Variants in HIBADH observed in about 807,000 individuals in gnomAD.
The protein encoded by HIBADH is 3-hydroxyisobutyrate dehydrogenase, mitochondrial.
A neutral mutation model predicts 36.1 loss-of-function variants in HIBADH; 25 were observed. That is an observed-to-expected ratio of 0.69 (90% CI 0.50 to 0.97). HIBADH has a LOEUF of 0.97. HIBADH is among the 50% of genes least tolerant of loss of function. The probability of loss-of-function intolerance (pLI) is 0.00; values close to 1 mark genes in which losing one functional copy is unlikely to be tolerated. For missense variants in HIBADH, 421 were observed against 418.0 expected, an observed-to-expected ratio of 1.01 and a Z score of -0.06; for synonymous variants, 160 against 149.5, an observed-to-expected ratio of 1.07 and a Z score of -0.51.
intron 7 of HIBADH, 37 bp from the exon 8 acceptor site, chr7:27,526,409 G>C: frequency 6.4e-7 from 1 of 1,566,050 alleles, no homozygotes; most frequent in Non-Finnish European, 8.7e-7. Context: ...GCTGAGACTG[G>C]TGGTAAAGGC....
chr7:27,589,767 T>G (rs972144988), intron 4 of HIBADH, among the ~76,000 whole-genome samples: 18 of 152,336 alleles, frequency 1.2e-4, no homozygotes, highest in African/African-American at 4.3e-4. Context: ...TTATGTTCTC[T>G]GAGCAACCTT....
chr7:27,646,444 A>G (rs1327269962), intron 2 of HIBADH, among the ~76,000 whole-genome samples: 1 of 152,188 alleles, frequency 6.6e-6, no homozygotes, highest in Non-Finnish European at 1.5e-5. Flanking sequence ...AGAGGTATAC[A>G]TTCCAAGACT....
At chr7:27,626,004 A>C (rs1785634538) in intron 4 of HIBADH, among the ~76,000 whole-genome samples, 1 of 144,120 alleles carries the variant, frequency 6.9e-6, no homozygotes, top group African/African-American at 2.5e-5. Flanking sequence ...CGGGAGGCTG[A>C]GGCAGGGAGA....
intron 4 of HIBADH, among the ~76,000 whole-genome samples, chr7:27,615,534 T>C (rs1182292825): frequency 6.6e-6 from 1 of 152,160 alleles, no homozygotes; most frequent in Non-Finnish European, 1.5e-5. Context: ...AGGCTGCATA[T>C]ACAACACTGG....
rs79016791 is a variant in HIBADH, at chr7:27,599,006, T to C, written c.484+30365A>G. Among the ~76,000 whole-genome samples the C allele has an allele frequency of 4.8e-3, 720 of 150,162 alleles. 13 individuals are homozygous for C. Among genetic ancestry groups the C allele is most frequent in the African/African-American group, 0.017 (683 of 40,772 alleles). ...ACCAAGAGGCATAAAGTGAGTACAA[T>C]TCAAACTCGACATACAGTAACATAA... On this transcript the variant is annotated intron_variant, in intron 4 of 7. Coordinates refer to ENST00000265395, the MANE Select transcript of HIBADH (RefSeq NM_152740.4).
intron 7 of HIBADH, among the ~76,000 whole-genome samples, chr7:27,528,509 G>A (rs745625632): frequency 1.5e-4 from 23 of 152,332 alleles, no homozygotes; most frequent in Non-Finnish European, 3.2e-4. Context: ...GAGTAAGTTT[G>A]AGTGGTCTGG....
chr7:27,566,811 T>C (rs1344317330), intron 4 of HIBADH, among the ~76,000 whole-genome samples: 2 of 152,180 alleles, frequency 1.3e-5, no homozygotes, highest in African/African-American at 2.4e-5. Context: ...TACTTAGGAA[T>C]GTGTTATTCA....
At chr7:27,657,527 T>G (rs1315506372) in intron 1 of HIBADH, among the ~76,000 whole-genome samples, 2 of 152,072 alleles carry the variant, frequency 1.3e-5, no homozygotes, top group African/African-American at 2.4e-5. Context: ...CTAGAAAAAC[T>G]GAAGTAGAGT....
At chr7:27,566,572 T>A (rs1000740812) in intron 4 of HIBADH, among the ~76,000 whole-genome samples, 1 of 152,078 alleles carries the variant, frequency 6.6e-6, no homozygotes, top group Non-Finnish European at 1.5e-5. Flanking sequence ...CTTTATTATT[T>A]CCTTTATTCT....
chr7:27,571,020 T>C (rs1375845698), intron 4 of HIBADH, among the ~76,000 whole-genome samples: 1 of 152,170 alleles, frequency 6.6e-6, no homozygotes, highest in Non-Finnish European at 1.5e-5. Context: ...TTTCTATTCA[T>C]GTCTCAACTT....
At chr7:27,607,272 C>T (rs1439103987) in intron 4 of HIBADH, among the ~76,000 whole-genome samples, 1 of 152,166 alleles carries the variant, frequency 6.6e-6, no homozygotes, top group Non-Finnish European at 1.5e-5. Flanking sequence ...TTTTGAGAGA[C>T]CGAGGTGGGC....
intron 4 of HIBADH, among the ~76,000 whole-genome samples, chr7:27,565,650 C>T (rs1784536485): frequency 1.3e-5 from 2 of 152,080 alleles, no homozygotes; most frequent in African/African-American, 4.8e-5. Flanking sequence ...ATTTTTCTTA[C>T]TTTATTGTAC....
chr7:27,531,020 A>C (rs925130364), intron 7 of HIBADH, among the ~76,000 whole-genome samples, 172 bp downstream of exon 7: 9 of 152,170 alleles, frequency 5.9e-5, no homozygotes, highest in Non-Finnish European at 8.8e-5. Flanking sequence ...AAAATGAACA[A>C]GATAAGGATT....
rs758611302 is a variant in HIBADH, at chr7:27,526,283, A to C, written c.942T>G (p.Cys314Trp). The C allele has an allele frequency of 6.2e-7, 1 of 1,613,796 alleles. No homozygotes were observed. The highest frequency in any genetic ancestry group is 1.1e-5 in the South Asian group (1 of 90,988). Residue 314 changes from cysteine (C) to tryptophan (W), a missense_variant, in exon 8 of 8, where the codon TGT becomes TGG. Physicochemically the swap from Cys to Trp is radical, Grantham distance 215 (BLOSUM62 -2). Coordinates refer to ENST00000265395, the MANE Select transcript of HIBADH (RefSeq NM_152740.4). Reference protein sequence around the residue: ...SLAHQIYRMMCAKGYSKKDFS... With the variant: ...SLAHQIYRMMWAKGYSKKDFS... ...AGTCTTTCTTTGAGTAGCCCTTTGC[A>C]CACATCATCCTGTAGATCTGATGGG...
At chr7:27,626,104 G>GAAAAAAACAAA (rs1785638164) in intron 4 of HIBADH, among the ~76,000 whole-genome samples, 1 of 72,496 alleles carries the variant, frequency 1.4e-5, no homozygotes, top group African/African-American at 5.4e-5. Flanking sequence ...CTCCGTCTCA[G>GAAAAAAACAAA]AAAAAAAAAA....
Position 27,534,526 on chromosome 7 carries a change from G to T in HIBADH, c.696-3178C>A, listed in dbSNP as rs927310259. Reference sequence around the variant, plus strand: ...TGGATAACTTTTACCTTTGGCAAGAGAAGTGCCATATCTTATCCCCTCACT... The same window carrying T: ...TGGATAACTTTTACCTTTGGCAAGATAAGTGCCATATCTTATCCCCTCACT... On this transcript the variant is annotated intron_variant, in intron 6 of 7. Transcript: ENST00000265395. Among the ~76,000 whole-genome samples, 7 of 152,238 alleles carry T rather than the reference G, an allele frequency of 4.6e-5. 1 individual carries two copies. The highest frequency in any genetic ancestry group is 1.7e-4 in the African/African-American group (7 of 41,546).
intron 4 of HIBADH, among the ~76,000 whole-genome samples, chr7:27,566,441 C>G (rs1357635264): frequency 1.3e-5 from 2 of 151,814 alleles, no homozygotes; most frequent in South Asian, 4.2e-4. Context: ...TACAGTGCTC[C>G]ATTCCTGACA....
At chr7:27,560,882 T>C (rs1421083628) in intron 4 of HIBADH, among the ~76,000 whole-genome samples, 1 of 152,226 alleles carries the variant, frequency 6.6e-6, no homozygotes, top group East Asian at 1.9e-4. Flanking sequence ...ACCACCAATA[T>C]CATTTTCCAC....
At chr7:27,614,732 T>C (rs1286852826) in intron 4 of HIBADH, among the ~76,000 whole-genome samples, 1 of 152,204 alleles carries the variant, frequency 6.6e-6, no homozygotes, top group African/African-American at 2.4e-5. Context: ...CTTATCCCAT[T>C]AAACTAAAAC....
Sources: gnomAD v4.1 joint callset for allele counts (sites outside exome capture counted in the v4.1 genomes callset) on GRCh38, gnomAD v4.1.1 for gene constraint, MANE v1.5 for transcripts, NCBI Gene and HGNC (gene_info 2026-07-23, HGNC 2026-07-21) for gene names.